Variants in WAPL observed in about 807,000 individuals in gnomAD.
The protein encoded by WAPL is wings apart-like protein homolog.
In WAPL, 5 loss-of-function variants were observed where a neutral mutation model predicts 121.0. That is an observed-to-expected ratio of 0.04 (90% confidence interval 0.02 to 0.09). The LOEUF is 0.09. WAPL is among the 10% of genes least tolerant of loss of function. The pLI is 1.00. For synonymous variants in WAPL, 480 were observed against 481.5 expected (o/e 1.00, Z 0.04); for missense variants, 999 against 1,410.8 (o/e 0.71, Z 4.68).
chr10:86,442,545 T>A (rs1156917914), intron 17 of WAPL, among the ~76,000 whole-genome samples: 2 of 152,180 alleles, frequency 1.3e-5, no homozygotes, highest in Admixed American at 1.3e-4. Context: ...GACAGGCACA[T>A]CCTTCCTAAT....
At position 86,517,829 on chromosome 10, in the gene WAPL, A is replaced by C. The variant is rs1842591191; in HGVS notation, c.241T>G (p.Ser81Ala). Residue 81 changes from serine to alanine, a missense_variant, in exon 2 of 19, where the codon TCT (serine) becomes GCT (alanine). Physicochemically the swap from Ser to Ala is moderately conservative, Grantham distance 99. This residue lies in a region of WAPL where 531 missense variants were observed against 563.1 expected (regional missense o/e 0.94). Coordinates refer to ENST00000298767, the MANE Select transcript of WAPL (RefSeq NM_015045.5). ...DPFGFDSDDE[S>A]LPVSSKNLAQ... is the part of the protein sequence containing the mutation. ...AAATTCTTTGAAGAAACTGGTAGAG[A>C]CTCATCATCACTATCAAATCCAAAA... is the stretch of plus-strand genomic sequence containing the variant. The C allele has an allele frequency of 1.2e-6, 2 of 1,614,178 alleles. No individual in the cohort carries two copies. The highest frequency in any genetic ancestry group is 1.7e-6 in the Non-Finnish European group (2 of 1,180,024).
At chr10:86,515,777 G>C (rs1321946837) in intron 2 of WAPL, among the ~76,000 whole-genome samples, 1 of 148,684 alleles carries the variant, frequency 6.7e-6, no homozygotes, top group Non-Finnish European at 1.5e-5. Context: ...GCGAGACTGT[G>C]TCTCAAAAAA....
chr10:86,493,152 T>C (rs2132215143), intron 4 of WAPL, among the ~76,000 whole-genome samples: 1 of 151,748 alleles, frequency 6.6e-6, no homozygotes, highest in South Asian at 2.1e-4. Context: ...ATGATTATGG[T>C]TTGGGAAAAA....
chr10:86,470,758 C>A (rs1362623232), intron 8 of WAPL, among the ~76,000 whole-genome samples: 1 of 152,056 alleles, frequency 6.6e-6, no homozygotes, highest in East Asian at 1.9e-4. Context: ...TAACAAAATA[C>A]AATTTTAAAA....
At chr10:86,453,551 G>A in intron 13 of WAPL, 105 bp downstream of exon 13, 2 of 1,357,726 alleles carry the variant, frequency 1.5e-6, no homozygotes, top group Middle Eastern at 2.0e-4. Context: ...AGTACATTAT[G>A]ACAAATAAAA....
chr10:86,517,957 G>T lies in WAPL; in HGVS notation c.113C>A (p.Thr38Asn). 6.2e-7 allele frequency: 1 copy of T among 1,614,086 alleles called. No individual in the cohort carries two copies. The highest frequency in any genetic ancestry group is 8.5e-7 in the Non-Finnish European group (1 of 1,180,016). ...CTGCCCTAATTTAGCCATAAATGTG[G>T]TCTCTCCCCATTTTGTGCTAAGGGT... Reference protein sequence around the residue: ...RTTLSTKWGETTFMAKLGQKR... With the variant: ...RTTLSTKWGENTFMAKLGQKR... The change falls in exon 2 of 19, where the codon ACC (threonine) becomes AAC (asparagine). Residue 38 changes from threonine (T) to asparagine (N), a missense_variant. This residue lies in a region of WAPL where 30 missense variants were observed against 56.4 expected (regional missense o/e 0.53). Coordinates refer to ENST00000298767, the MANE Select transcript of WAPL (RefSeq NM_015045.5).
intron 4 of WAPL, among the ~76,000 whole-genome samples, chr10:86,493,883 G>C (rs1842098587): frequency 6.6e-6 from 1 of 152,088 alleles, no homozygotes; most frequent in African/African-American, 2.4e-5. Context: ...CTTGCCTGTA[G>C]TCCCAGCTAC....
intron 14 of WAPL, 64 bp from the exon 15 acceptor site, chr10:86,452,195 T>C: frequency 7.4e-6 from 11 of 1,481,608 alleles, no homozygotes; most frequent in Non-Finnish European, 9.1e-6. Context: ...GAACACAATA[T>C]ACACAATTTT....
intron 14 of WAPL, among the ~76,000 whole-genome samples, chr10:86,452,751 T>C (rs1198327688): frequency 1.3e-5 from 2 of 151,402 alleles, no homozygotes; most frequent in East Asian, 2.0e-4. Context: ...CAATAAGAAG[T>C]ACGTTCAGCC....
chr10:86,494,544 C>G (rs1466955545), intron 4 of WAPL, among the ~76,000 whole-genome samples: 1 of 152,200 alleles, frequency 6.6e-6, no homozygotes, highest in African/African-American at 2.4e-5. Context: ...GTATCTACCA[C>G]TGTGAACTTG....
intron 17 of WAPL, among the ~76,000 whole-genome samples, chr10:86,439,367 G>A (rs183181037): frequency 1.3e-5 from 2 of 152,146 alleles, no homozygotes; most frequent in African/African-American, 2.4e-5. Flanking sequence ...AGTGGCTAAG[G>A]TGTCTCTGGA....
At chr10:86,499,635 T>A in intron 3 of WAPL, 83 bp downstream of exon 3, 1 of 1,401,880 alleles carries the variant, frequency 7.1e-7, no homozygotes, top group East Asian at 2.3e-5. Flanking sequence ...ATGGTTGACC[T>A]TGGGTAATTG....
At chr10:86,488,190 C>G (rs1413918148) in intron 4 of WAPL, among the ~76,000 whole-genome samples, 2 of 151,588 alleles carry the variant, frequency 1.3e-5, no homozygotes, top group African/African-American at 4.8e-5. Context: ...TCTAAACATA[C>G]ACAGAATGAC....
intron 4 of WAPL, among the ~76,000 whole-genome samples, chr10:86,479,326 C>A (rs1028174005): frequency 2.0e-5 from 3 of 152,124 alleles, no homozygotes; most frequent in African/African-American, 7.2e-5. Context: ...GGTGTGATTT[C>A]GGCTCACTGT....
intron 9 of WAPL, among the ~76,000 whole-genome samples, chr10:86,462,377 C>T (rs913425821): frequency 4.6e-5 from 7 of 152,144 alleles, no homozygotes; most frequent in African/African-American, 1.7e-4. Context: ...CTTAAGACTG[C>T]ACATTTAGAA....
At position 86,458,314 on chromosome 10, in the gene WAPL, G is replaced by A. The variant is rs143328852; in HGVS notation, c.2657+675C>T. On this transcript the variant is annotated intron_variant, in intron 12 of 18. Coordinates refer to ENST00000298767, the MANE Select transcript of WAPL (RefSeq NM_015045.5). ...GCTGTAATAAGACAGAACCAGGACT[G>A]GAGACATACTTGGGAATTTTACCTG... is the stretch of plus-strand genomic sequence containing the variant. 9.2e-5 allele frequency among the ~76,000 whole-genome samples: 14 copies of A among 152,302 alleles called. No individual in the cohort carries two copies. In the East Asian group the frequency reaches 2.7e-3, roughly 29 times the overall value.
intron 17 of WAPL, among the ~76,000 whole-genome samples, chr10:86,438,253 CT>C (rs11402864): frequency 0.089 from 12,328 of 138,462 alleles, 591 homozygotes; most frequent in Middle Eastern, 0.19. Context: ...TACACATTTA[CT>C]TTTTTTTTTT....
chr10:86,465,868 A>G (rs562242750), intron 9 of WAPL, among the ~76,000 whole-genome samples: 2 of 152,272 alleles, frequency 1.3e-5, no homozygotes, highest in East Asian at 1.9e-4. Context: ...ACAATAATAA[A>G]TGTTTATAGA....
intron 4 of WAPL, among the ~76,000 whole-genome samples, chr10:86,490,973 G>A (rs1406838817): frequency 2.6e-5 from 4 of 151,568 alleles, no homozygotes; most frequent in Non-Finnish European, 4.4e-5. Flanking sequence ...TGAGGCAGGA[G>A]AAGCACTTGA....
Sources: gnomAD v4.1 joint callset for allele counts (sites outside exome capture counted in the v4.1 genomes callset) on GRCh38, gnomAD v4.1.1 for gene constraint, gnomAD v4.1.1 regional missense constraint, MANE v1.5 for transcripts, NCBI Gene and HGNC (gene_info 2026-07-23, HGNC 2026-07-21) for gene names.